Variants in MCF2L observed in about 807,000 individuals in gnomAD.
MCF2L encodes guanine nucleotide exchange factor DBS.
A neutral mutation model predicts 153.4 loss-of-function variants in MCF2L; 97 were observed. That is an observed-to-expected ratio of 0.63 (90% confidence interval 0.54 to 0.75). MCF2L has a LOEUF of 0.75. Among genes scored for constraint, MCF2L ranks in the 30% least tolerant of loss-of-function variants. MCF2L has a pLI of 0.00. For missense variants in MCF2L, 1,347 were observed against 1,495.2 expected (o/e 0.90, Z 1.64); for synonymous variants, 659 against 632.2 (o/e 1.04, Z -0.64).
chr13:113,057,855 G>A (rs1402036202), intron 4 of MCF2L, among the ~76,000 whole-genome samples: 2 of 147,868 alleles, frequency 1.4e-5, no homozygotes, highest in African/African-American at 5.0e-5. Context: ...TGGGCGCTGT[G>A]TGTTTGGGCA....
chr13:113,096,921 G>C lies in MCF2L; in HGVS notation c.*62G>C. ...GGCTGCGGTGGCGTGGGGAGGGCGC[G>C]GCCCCCGGACGCCCCGAGGAAGGGG... On this transcript the variant is annotated 3_prime_UTR_variant, in exon 30 of 30. Coordinates refer to ENST00000535094, the MANE Select transcript of MCF2L (RefSeq NM_001112732.3). 5.0e-6 allele frequency: 6 copies of C among 1,195,602 alleles called. No homozygotes were observed. The highest frequency in any genetic ancestry group is 6.4e-6 in the Non-Finnish European group (6 of 932,510). The allele number at this position is 1,195,602 out of a possible 1,614,324, so 74.1% of individuals were successfully genotyped here.
At chr13:112,914,076 C>T (rs532253833) in intron 2 of MCF2L, among the ~76,000 whole-genome samples, 1 of 152,270 alleles carries the variant, frequency 6.6e-6, no homozygotes, top group Admixed American at 6.5e-5. Flanking sequence ...TCCTTTCTTC[C>T]CTGTTTTCCT....
At chr13:112,949,265 A>G (rs376732808) in intron 2 of MCF2L, among the ~76,000 whole-genome samples, 2 of 152,236 alleles carry the variant, frequency 1.3e-5, no homozygotes, top group African/African-American at 4.8e-5. Flanking sequence ...TCAATAAAGA[A>G]ACATTCAGGC....
At chr13:113,012,821 G>A (rs928816155) in intron 1 of MCF2L, among the ~76,000 whole-genome samples, 2 of 86,918 alleles carry the variant, frequency 2.3e-5, no homozygotes, top group African/African-American at 4.5e-5. Flanking sequence ...CGGTGTGGAC[G>A]GTGGACACTG....
At position 113,046,697 on chromosome 13, in the gene MCF2L, G is replaced by A. The variant is rs1030969591; in HGVS notation, c.369+1336G>A. On this transcript the variant is annotated intron_variant, in intron 4 of 29. Coordinates refer to ENST00000535094, the MANE Select transcript of MCF2L (RefSeq NM_001112732.3). The surrounding 1 kb of genome is among the most constrained non-coding windows in gnomAD (Gnocchi z 4.4). ...GTTCTCATCGAAGTCTTTAGGATGA[G>A]GCATCTCCTTGCACCCCCACGGCAC... 1.9e-6 allele frequency: 1 copy of A among 528,912 alleles called. No homozygotes were observed. The highest frequency in any genetic ancestry group is 3.9e-6 in the Non-Finnish European group (1 of 257,760). 32.8% of individuals were successfully genotyped at this position (528,912 alleles called of 1,614,324 possible).
At chr13:113,062,838 A>C (rs989718710) in intron 5 of MCF2L, among the ~76,000 whole-genome samples, 5 of 152,242 alleles carry the variant, frequency 3.3e-5, no homozygotes, top group African/African-American at 1.2e-4. Flanking sequence ...AATGAAGACA[A>C]GGCGTGTGTA....
intron 9 of MCF2L, among the ~76,000 whole-genome samples, chr13:113,071,705 C>G (rs1052169520): frequency 6.6e-6 from 1 of 152,226 alleles, no homozygotes; most frequent in African/African-American, 2.4e-5. Context: ...TGGAGACTCT[C>G]TATTCAATTA....
chr13:113,094,950 T>C, intron 27 of MCF2L: 1 of 1,389,058 alleles, frequency 7.2e-7, no homozygotes. Context: ...GCACTTTGTG[T>C]TTCTGGGTTA....
intron 26 of MCF2L, chr13:113,091,181 C>T: frequency 2.3e-6 from 3 of 1,301,554 alleles, no homozygotes; most frequent in African/African-American, 1.6e-5. Flanking sequence ...GACCCGACTC[C>T]CTTTGGTGTG....
intron 20 of MCF2L, 126 bp from the exon 21 acceptor site, chr13:113,085,998 A>G: frequency 1.0e-6 from 1 of 987,266 alleles, no homozygotes; most frequent in Non-Finnish European, 1.4e-6. Flanking sequence ...CAGGCAGGGC[A>G]GCTCCCCACA....
intron 1 of MCF2L, among the ~76,000 whole-genome samples, chr13:112,895,953 C>T (rs79452799): frequency 1.3e-5 from 2 of 152,216 alleles, no homozygotes; most frequent in African/African-American, 4.8e-5. Context: ...ACCCCCCACA[C>T]GTCTGTGAAA....
intron 1 of MCF2L, among the ~76,000 whole-genome samples, chr13:112,989,091 G>C (rs77099917): frequency 0.092 from 3,153 of 34,176 alleles, 806 homozygotes; most frequent in African/African-American, 0.14. Flanking sequence ...CCTGAGCAGG[G>C]GATGGAGCTA....
intron 2 of MCF2L, among the ~76,000 whole-genome samples, chr13:112,963,608 T>C (rs2081859128): frequency 6.6e-6 from 1 of 152,224 alleles, no homozygotes; most frequent in Non-Finnish European, 1.5e-5. Context: ...GTCCCTTTCC[T>C]GCTATTGTGG....
At chr13:113,071,077 T>C (rs776312958) in intron 9 of MCF2L, among the ~76,000 whole-genome samples, 27 of 152,212 alleles carry the variant, frequency 1.8e-4, no homozygotes, top group Admixed American at 3.3e-4. Flanking sequence ...ATTCTTCATA[T>C]TATGCTCACA....
At chr13:113,023,441 C>G (rs971237916) in intron 2 of MCF2L, among the ~76,000 whole-genome samples, 1 of 152,106 alleles carries the variant, frequency 6.6e-6, no homozygotes, top group Non-Finnish European at 1.5e-5. Context: ...TGGGCTTGGC[C>G]AAGACCCAGA....
intron 1 of MCF2L, among the ~76,000 whole-genome samples, chr13:112,997,297 C>T (rs1232605393): frequency 3.9e-5 from 6 of 152,346 alleles, no homozygotes; most frequent in East Asian, 1.9e-4. Context: ...TCCAGGTTTG[C>T]GATGGGGTTG....
chr13:112,937,805 G>T (rs939930805), intron 2 of MCF2L, among the ~76,000 whole-genome samples: 5 of 151,286 alleles, frequency 3.3e-5, no homozygotes, highest in Non-Finnish European at 7.4e-5. Flanking sequence ...AGTTGGTTCA[G>T]GTGTGCTCTG....
chr13:112,925,580 A>T (rs1335360419), intron 2 of MCF2L, among the ~76,000 whole-genome samples: 1 of 152,188 alleles, frequency 6.6e-6, no homozygotes, highest in Non-Finnish European at 1.5e-5. Flanking sequence ...CAGTTCACAC[A>T]TCAATCTCAA....
intron 4 of MCF2L, among the ~76,000 whole-genome samples, chr13:113,051,513 G>A (rs1023154146): frequency 3.9e-5 from 6 of 152,212 alleles, no homozygotes; most frequent in African/African-American, 1.4e-4. Flanking sequence ...ATCCAGCAGG[G>A]GTGGGAGATC....
Sources: gnomAD v4.1 joint callset for allele counts (sites outside exome capture counted in the v4.1 genomes callset) on GRCh38, gnomAD v4.1.1 for gene constraint, Gnocchi (gnomAD v3.1) non-coding constraint, MANE v1.5 for transcripts, NCBI Gene and HGNC (gene_info 2026-07-23, HGNC 2026-07-21) for gene names.